Variants in OTUD4 observed in about 807,000 individuals in gnomAD.
The protein encoded by OTUD4 is OTU domain-containing protein 4.
In OTUD4, 24 loss-of-function variants were observed where a neutral mutation model predicts 130.4. The ratio of observed to expected loss-of-function variants is 0.18; its 90% CI spans 0.13 to 0.26. The LOEUF is 0.26. Among genes scored for constraint, OTUD4 ranks in the 10% least tolerant of loss-of-function variants. The pLI is 1.00. For missense variants in OTUD4, 1,031 were observed against 1,329.4 expected (o/e 0.78, Z 3.49); for synonymous variants, 420 against 472.5 (o/e 0.89, Z 1.44).
chr4:145,156,013 C>T lies in OTUD4; in HGVS notation c.630-17G>A. 6.2e-7 allele frequency: 1 copy of T among 1,602,792 alleles called. No individual in the cohort carries two copies. The highest frequency in any genetic ancestry group is 8.5e-7 in the Non-Finnish European group (1 of 1,174,326). The stretch of plus-strand genomic sequence containing the variant: ...GTCTTACTCCTACAAAGAAAGATAA[C>T]CATAATTGGGGCAGAAAAAGGTATT... On this transcript the variant is annotated splice_polypyrimidine_tract_variant and intron_variant, in intron 7 of 20. Transcript: ENST00000447906.
intron 3 of OTUD4, among the ~76,000 whole-genome samples, chr4:145,168,412 T>TAAAAAAAA (rs1432323241): frequency 6.7e-5 from 1 of 15,014 alleles, no homozygotes; most frequent in Non-Finnish European, 1.6e-4. Context: ...AAATAAAAAA[T>TAAAAAAAA]TAAAAAAAAA....
At position 145,138,623 on chromosome 4, in the gene OTUD4, G is replaced by T; in HGVS notation, c.2152C>A (p.His718Asn). Residue 718 changes from histidine (H) to asparagine (N), a missense_variant, in exon 21 of 21, where the codon CAT becomes AAT. By Grantham distance (68) the His-to-Asn change is moderately conservative (BLOSUM62 1). Transcript: ENST00000447906. ...KAYSCPMWAP[H>N]SYLYPLHQAY... ...TGGTGCAGAGGGTACAGGTAAGAAT[G>T]TGGGGCCCACATAGGACAACTGTAT... is the stretch of plus-strand genomic sequence containing the variant. The T allele has an allele frequency of 6.2e-7, 1 of 1,612,944 alleles. No homozygotes were observed. The highest frequency in any genetic ancestry group is 8.5e-7 in the Non-Finnish European group (1 of 1,179,424).
In OTUD4 at chr4:145,155,620, G is replaced by C; in HGVS notation, c.757C>G (p.Pro253Ala). The change falls in exon 9 of 21, where the codon CCT (proline) becomes GCT (alanine). Residue 253 changes from proline (P) to alanine (A), a missense_variant. Physicochemically the swap from Pro to Ala is conservative, Grantham distance 27. This residue lies in a region of OTUD4 where 900 missense variants were observed against 1,095.9 expected (regional missense o/e 0.82). Coordinates refer to ENST00000447906, the MANE Select transcript of OTUD4 (RefSeq NM_001366057.1). ...TATTCCACATTTCTATAGACTGCAG[G>C]ATTGAGTGACTTAAGAACCTTTCTA... is the stretch of plus-strand genomic sequence containing the variant. ...LSRKVLKSLN[P>A]AVYRNVEYEI... 6.2e-7 allele frequency: 1 copy of C among 1,613,140 alleles called. No homozygotes were observed. Among genetic ancestry groups the C allele is most frequent in the East Asian group, 2.2e-5 (1 of 44,832 alleles).
chr4:145,134,891 G>C lies in OTUD4; in HGVS notation c.*2539C>G, dbSNP rs1750163635. On this transcript the variant is annotated 3_prime_UTR_variant, in exon 21 of 21. Coordinates refer to ENST00000447906, the MANE Select transcript of OTUD4 (RefSeq NM_001366057.1). ...ATATGTATGATCATAATATGGTGAAGTTTCATAATTTCCAACTCAAAAATA... is the reference window on the plus strand; with the variant it reads ...ATATGTATGATCATAATATGGTGAACTTTCATAATTTCCAACTCAAAAATA... 2 of 398,888 alleles carry C rather than the reference G, an allele frequency of 5.0e-6. No homozygotes were observed. The highest frequency in any genetic ancestry group is 8.9e-6 in the Non-Finnish European group (2 of 225,936). 24.7% of individuals were successfully genotyped at this position (398,888 alleles called of 1,614,324 possible).
intron 14 of OTUD4, among the ~76,000 whole-genome samples, chr4:145,145,735 C>G (rs1399146966): frequency 6.6e-6 from 1 of 152,170 alleles, no homozygotes; most frequent in African/African-American, 2.4e-5. Context: ...ACAGTTTTCC[C>G]TTCTGACTTC....
In OTUD4 at chr4:145,150,661, T is replaced by C. The variant is rs1172579287; in HGVS notation, c.1111A>G (p.Ile371Val). 2 of 1,610,540 alleles carry C rather than the reference T, an allele frequency of 1.2e-6. No homozygotes were observed. Among genetic ancestry groups the C allele is most frequent in the East Asian group, 2.2e-5 (1 of 44,766 alleles). The change falls in exon 13 of 21, where the codon ATA becomes GTA. Residue 371 changes from isoleucine (I) to valine (V), a missense_variant. Ile to Val is a conservative substitution (Grantham distance 29, BLOSUM62 3). Around this residue, in one of 3 missense-constraint regions of OTUD4, gnomAD observed 900 missense variants for 1,095.9 expected, o/e 0.82. Transcript: ENST00000447906. ...YRGPKNPSKPIKAPSALPPRL... is the reference protein window; with the variant it reads ...YRGPKNPSKPVKAPSALPPRL... ...GGAGGTAGTGCTGATGGGGCTTTTA[T>C]TGGCTTGCTTGGATTCTTTGGCCCT...
intron 5 of OTUD4, 43 bp downstream of exon 5, chr4:145,164,111 T>A: frequency 1.1e-6 from 1 of 871,164 alleles, no homozygotes; most frequent in Non-Finnish European, 1.8e-6. Flanking sequence ...AACTAAGCGG[T>A]TCTTTTACTT....
intron 13 of OTUD4, among the ~76,000 whole-genome samples, chr4:145,149,937 T>A (rs36226301): frequency 6.6e-6 from 1 of 152,178 alleles, no homozygotes; most frequent in African/African-American, 2.4e-5. Context: ...GAACAGAAAG[T>A]GAAGACTAGG....
rs779052504 is a variant in OTUD4, at chr4:145,138,437, T to A, written c.2338A>T (p.Met780Leu). Residue 780 changes from methionine to leucine, a missense_variant, in exon 21 of 21, where the codon ATG becomes TTG. Met to Leu is a conservative substitution (Grantham distance 15). This residue lies in a region of OTUD4 where 900 missense variants were observed against 1,095.9 expected (regional missense o/e 0.82). Transcript: ENST00000447906. ...GGCGGTCCAATCTCTGGCTGTGGCA[T>A]TTGACCATTAACACTGGCCTCAGTC... ...MQTEASVNGQ[M>L]PQPEIGPPTF... The A allele has an allele frequency of 9.3e-6, 15 of 1,614,206 alleles. No homozygotes were observed. The South Asian group carries it at 1.6e-4, about 18-fold the overall frequency.
chr4:145,155,431 C>T lies in OTUD4; in HGVS notation c.853G>A (p.Glu285Lys), dbSNP rs777845769. The stretch of plus-strand genomic sequence containing the variant: ...CTTACTTGACATTTGTCTCCAACTT[C>T]ATATTGTAAGCCAGCAGCAATGGAA... ...DYSIAAGLQY[E>K]VGDKCQVRLD... Residue 285 changes from glutamate (E) to lysine (K), a missense_variant, in exon 10 of 21, where the codon GAA becomes AAA. By Grantham distance (56) the Glu-to-Lys change is moderately conservative. Transcript: ENST00000447906. The T allele has an allele frequency of 1.3e-5, 21 of 1,610,652 alleles. No homozygotes were observed. In the Admixed American group the frequency reaches 3.5e-4, roughly 27 times the overall value.
At position 145,144,328 on chromosome 4, in the gene OTUD4, T is replaced by G; in HGVS notation, c.1529A>C (p.Glu510Ala). The change falls in exon 15 of 21, where the codon GAA becomes GCA. Residue 510 changes from glutamate to alanine, a missense_variant. Coordinates refer to ENST00000447906, the MANE Select transcript of OTUD4 (RefSeq NM_001366057.1). Reference protein sequence around the residue: ...RKGSRRRMDTEERKDKDSIHG... With the variant: ...RKGSRRRMDTAERKDKDSIHG... ...TAACTTACCTTTGTCTTTTCGTTCT[T>G]CTGTATCCATTCTCCGCCTGCTTCC... is the stretch of plus-strand genomic sequence containing the variant. 3 of 1,612,158 alleles carry G rather than the reference T, an allele frequency of 1.9e-6. No individual in the cohort carries two copies.
rs1413576989 is a variant in OTUD4, at chr4:145,136,314, G to A, written c.*1116C>T. 1 of 152,382 alleles carries A rather than the reference G, an allele frequency of 6.6e-6. No homozygotes were observed. Among genetic ancestry groups the A allele is most frequent in the Non-Finnish European group, 1.5e-5 (1 of 67,992 alleles). The allele number at this position is 152,382 out of a possible 1,614,324, so 9.4% of individuals were successfully genotyped here. On this transcript the variant is annotated 3_prime_UTR_variant, in exon 21 of 21. Transcript: ENST00000447906. ...GATGTTACCTACCTAAGGGTAACAA[G>A]CTATAAAATACAAAGCAAAACCATT...
At position 145,136,475 on chromosome 4, in the gene OTUD4, GGA is replaced by G. The variant is rs1553996297; in HGVS notation, c.*953_*954del. 6.7e-5 allele frequency: 3 copies of G among 44,950 alleles called. No individual in the cohort carries two copies. The highest frequency in any genetic ancestry group is 1.6e-4 in the African/African-American group (2 of 12,386). The allele number at this position is 44,950 out of a possible 1,614,324, so 2.8% of individuals were successfully genotyped here. A position where few individuals can be genotyped will look rare whatever the true frequency, so the allele number is the denominator to read the frequency against. On this transcript the variant is annotated 3_prime_UTR_variant, in exon 21 of 21. Transcript: ENST00000447906. ...ACAACCAATGGTGCGGGGGGGGGGGGGAGGAAGAAAACAACTCTAGAAACCTG... is the reference window on the plus strand; with the variant it reads ...ACAACCAATGGTGCGGGGGGGGGGGGGGAAGAAAACAACTCTAGAAACCTG...
chr4:145,166,903 G>A (rs142804142), intron 3 of OTUD4, among the ~76,000 whole-genome samples: 1 of 152,266 alleles, frequency 6.6e-6, no homozygotes, highest in East Asian at 1.9e-4. Context: ...AAAGAATGAG[G>A]TATAACCACA....
At chr4:145,146,513 ACAC>A in intron 13 of OTUD4, 84 bp from the exon 14 acceptor site, 2 of 882,140 alleles carry the variant, frequency 2.3e-6, no homozygotes, top group Non-Finnish European at 1.6e-6. Context: ...AAAAAAAAAA[ACAC>A]AAAACTGTAC....
At position 145,133,857 on chromosome 4, in the gene OTUD4, A is replaced by G. The variant is rs1425925249; in HGVS notation, c.*3573T>C. 2 of 152,686 alleles carry G rather than the reference A, an allele frequency of 1.3e-5. No homozygotes were observed. Among genetic ancestry groups the G allele is most frequent in the Non-Finnish European group, 2.9e-5 (2 of 68,042 alleles). The allele number at this position is 152,686 out of a possible 1,614,324, so 9.5% of individuals were successfully genotyped here. A position where few individuals can be genotyped will look rare whatever the true frequency, so the allele number is the denominator to read the frequency against. On this transcript the variant is annotated 3_prime_UTR_variant, in exon 21 of 21. Transcript: ENST00000447906. ...GAATATAAAGTACTAGTTTCCTTTTAACACTTCAAAAGATATGTATATATA... is the reference window on the plus strand; with the variant it reads ...GAATATAAAGTACTAGTTTCCTTTTGACACTTCAAAAGATATGTATATATA...
intron 7 of OTUD4, among the ~76,000 whole-genome samples, chr4:145,157,117 CT>C (rs1456134349): frequency 6.6e-6 from 1 of 151,932 alleles, no homozygotes; most frequent in Non-Finnish European, 1.5e-5. Flanking sequence ...AAAACTCCGC[CT>C]ACATGAAATG....
chr4:145,142,133 A>C (rs1750594574), intron 18 of OTUD4, 63 bp downstream of exon 18: 1 of 1,451,374 alleles, frequency 6.9e-7, no homozygotes. Flanking sequence ...TCCACTCAAG[A>C]ATTTGAAGTC....
chr4:145,168,336 T>C lies in OTUD4; in HGVS notation c.295-3139A>G, dbSNP rs1224351725. Reference sequence around the variant, plus strand: ...CAGAGGTTTCAGTGAGCTGAGATCATGCCACTGCACTCCAGCCTGGGCAAC... The same window carrying C: ...CAGAGGTTTCAGTGAGCTGAGATCACGCCACTGCACTCCAGCCTGGGCAAC... On this transcript the variant is annotated intron_variant, in intron 3 of 20. Transcript: ENST00000447906. Among the ~76,000 whole-genome samples the C allele has an allele frequency of 5.5e-5, 8 of 146,406 alleles. No homozygotes were observed. In the East Asian group the frequency reaches 1.6e-3, roughly 29 times the overall value.
Sources: gnomAD v4.1 joint callset for allele counts (sites outside exome capture counted in the v4.1 genomes callset) on GRCh38, gnomAD v4.1.1 for gene constraint, gnomAD v4.1.1 regional missense constraint, MANE v1.5 for transcripts, NCBI Gene and HGNC (gene_info 2026-07-23, HGNC 2026-07-21) for gene names.